FNDC3A: variants seen among roughly 807,000 people sequenced by gnomAD.
FNDC3A encodes the protein fibronectin type-III domain-containing protein 3A.
FNDC3A carries 32 observed loss-of-function variants against 148.9 expected under a neutral mutation model. The observed-to-expected ratio is 0.21, with a 90% CI of 0.16 to 0.29. The LOEUF is 0.29. Ranked by LOEUF, FNDC3A falls within the 10% of genes least tolerant of loss-of-function variation. The probability of loss-of-function intolerance (pLI) is 1.00; values close to 1 mark genes in which losing one functional copy is unlikely to be tolerated. For synonymous variants in FNDC3A, 472 were observed against 473.6 expected, an observed-to-expected ratio of 1.00 and a Z score of 0.04; for missense variants, 1,191 against 1,452.8, an observed-to-expected ratio of 0.82 and a Z score of 2.93.
intron 14 of FNDC3A, among the ~76,000 whole-genome samples, chr13:49,179,451 G>A (rs969911967): frequency 6.6e-6 from 1 of 152,070 alleles, no homozygotes; most frequent in African/African-American, 2.4e-5. Context: ...TGTGTACCCT[G>A]TGAGCATCTT....
intron 2 of FNDC3A, among the ~76,000 whole-genome samples, chr13:49,050,242 T>C (rs1875739372): frequency 6.6e-6 from 1 of 152,262 alleles, no homozygotes; most frequent in African/African-American, 2.4e-5. Context: ...AGATTGTCTG[T>C]TTGTACTCTT....
chr13:49,048,524 C>T (rs147662557), intron 2 of FNDC3A, among the ~76,000 whole-genome samples: 12 of 152,072 alleles, frequency 7.9e-5, no homozygotes, highest in African/African-American at 1.9e-4. Context: ...TTCTTGTAGA[C>T]GTCTTTCACC....
chr13:49,165,962 T>G (rs1485143992), intron 8 of FNDC3A, among the ~76,000 whole-genome samples: 1 of 152,038 alleles, frequency 6.6e-6, no homozygotes. Flanking sequence ...TGGACTGGGC[T>G]AGGTAGTCCC....
intron 3 of FNDC3A, among the ~76,000 whole-genome samples, chr13:49,113,394 G>T (rs367813541): frequency 1.3e-5 from 2 of 151,278 alleles, no homozygotes; most frequent in African/African-American, 4.9e-5. Context: ...CATCTCCCTA[G>T]CCCTAATTTC....
intron 8 of FNDC3A, among the ~76,000 whole-genome samples, chr13:49,158,674 T>G (rs1042699106): frequency 2.0e-5 from 3 of 152,260 alleles, no homozygotes; most frequent in African/African-American, 7.2e-5. Flanking sequence ...TTCGGTGTTT[T>G]AGTCATGAAG....
At chr13:49,099,501 G>A (rs1879731182) in intron 3 of FNDC3A, among the ~76,000 whole-genome samples, 1 of 152,042 alleles carries the variant, frequency 6.6e-6, no homozygotes, top group African/African-American at 2.4e-5. Flanking sequence ...GGACCAGTGG[G>A]AAGCATATAG....
rs1437246143 is a variant in FNDC3A, at chr13:49,056,941, G to T, written c.100-18348G>T. Among the ~76,000 whole-genome samples the T allele has an allele frequency of 3.9e-5, 6 of 152,122 alleles. No homozygotes were observed. In the East Asian group the frequency reaches 9.7e-4, roughly 24 times the overall value. On this transcript the variant is annotated intron_variant, in intron 2 of 25. Coordinates refer to ENST00000492622, the MANE Select transcript of FNDC3A (RefSeq NM_001079673.2). ...CCTACAGTTTGTTTTGTCTTTTATT[G>T]ATTTACAGTGGACTAATTCTTCATG...
intron 3 of FNDC3A, chr13:49,110,253 G>T: frequency 1.8e-6 from 2 of 1,130,776 alleles, no homozygotes; most frequent in South Asian, 1.9e-5. Flanking sequence ...GTCACGTGAT[G>T]ACTGTCACGT....
intron 2 of FNDC3A, among the ~76,000 whole-genome samples, chr13:49,047,903 A>G (rs1409189897): frequency 6.6e-6 from 1 of 152,022 alleles, no homozygotes; most frequent in African/African-American, 2.4e-5. Context: ...TCTCAGTGTT[A>G]TCTGCTAGAA....
At chr13:49,167,443 G>A in intron 9 of FNDC3A, 140 bp downstream of exon 9, 1 of 563,708 alleles carries the variant, frequency 1.8e-6, no homozygotes, top group Non-Finnish European at 3.0e-6. Context: ...TGGGCGCAGT[G>A]CGCCCGTAAT....
chr13:49,085,619 T>G (rs1254103624), intron 3 of FNDC3A, among the ~76,000 whole-genome samples: 1 of 152,226 alleles, frequency 6.6e-6, no homozygotes, highest in African/African-American at 2.4e-5. Flanking sequence ...CTGCAGTTAC[T>G]ATAACAGTAG....
intron 2 of FNDC3A, among the ~76,000 whole-genome samples, chr13:49,016,289 T>C (rs1351001715): frequency 6.6e-6 from 1 of 152,096 alleles, no homozygotes; most frequent in Non-Finnish European, 1.5e-5. Context: ...GCTCCTGTTA[T>C]TGGTCTATTC....
Position 49,018,334 on chromosome 13 carries a change from C to T in FNDC3A, c.99+12045C>T, listed in dbSNP as rs1872992782. Among the ~76,000 whole-genome samples the T allele has an allele frequency of 3.9e-5, 6 of 152,222 alleles. No homozygotes were observed. In the South Asian group the frequency reaches 6.2e-4, roughly 16 times the overall value. ...TCTTTTTTCTCTAAACTTCCCTTCT[C>T]GCTTCATTTCATTCACTTCATCTTC... On this transcript the variant is annotated intron_variant, in intron 2 of 25. Coordinates refer to ENST00000492622, the MANE Select transcript of FNDC3A (RefSeq NM_001079673.2).
intron 1 of FNDC3A, 88 bp downstream of exon 1, chr13:48,976,265 C>T (rs1441825361): frequency 6.6e-6 from 1 of 152,376 alleles, no homozygotes; most frequent in Non-Finnish European, 1.5e-5. Context: ...GCCGCGGAAA[C>T]CGTTAGGCTG....
intron 19 of FNDC3A, among the ~76,000 whole-genome samples, chr13:49,194,240 G>A (rs1457130020): frequency 6.6e-6 from 1 of 152,152 alleles, no homozygotes. Flanking sequence ...TCCAGCCTGG[G>A]CAACAGGCTT....
intron 8 of FNDC3A, among the ~76,000 whole-genome samples, chr13:49,157,098 T>C (rs1883742130): frequency 1.1e-5 from 1 of 87,760 alleles, no homozygotes; most frequent in Non-Finnish European, 2.1e-5. Flanking sequence ...TTCTCCTGGA[T>C]AATATCCTGC....
chr13:49,137,621 AGGCATGAGCCTACTATAT>A (rs1882453420), intron 6 of FNDC3A, among the ~76,000 whole-genome samples: 1 of 152,250 alleles, frequency 6.6e-6, no homozygotes, highest in Non-Finnish European at 1.5e-5. Context: ...CTAAGATTAC[AGGCATGAGCCTACTATAT>A]GGACTTTGAG....
At chr13:49,158,277 C>G (rs955746690) in intron 8 of FNDC3A, among the ~76,000 whole-genome samples, 1 of 152,140 alleles carries the variant, frequency 6.6e-6, no homozygotes, top group African/African-American at 2.4e-5. Flanking sequence ...GGGAGTGACC[C>G]GATTTTCCAG....
At chr13:49,183,694 A>C (rs932861940) in intron 14 of FNDC3A, among the ~76,000 whole-genome samples, 1 of 152,202 alleles carries the variant, frequency 6.6e-6, no homozygotes, top group Non-Finnish European at 1.5e-5. Flanking sequence ...CTCATTTATA[A>C]AGGAGTAGAG....
Sources: allele counts gnomAD v4.1 joint callset (sites outside exome capture counted in the v4.1 genomes callset), GRCh38; gene constraint gnomAD v4.1.1; transcripts MANE v1.5; gene names NCBI Gene and HGNC (gene_info 2026-07-23, HGNC 2026-07-21).